The following BRD4 variants were observed in gnomAD, a reference collection of about 807,000 sequenced individuals.
The protein encoded by BRD4 is bromodomain-containing protein 4.
In BRD4, 16 loss-of-function variants were observed where a neutral mutation model predicts 142.1. That is an observed-to-expected ratio of 0.11 (90% CI 0.08 to 0.17). BRD4 has a LOEUF of 0.17. Among genes scored for constraint, BRD4 ranks in the 10% least tolerant of loss-of-function variants. BRD4 has a pLI of 1.00. For missense variants in BRD4, 1,424 were observed against 1,810.9 expected, an observed-to-expected ratio of 0.79 and a Z score of 3.88; for synonymous variants, 833 against 707.5, an observed-to-expected ratio of 1.18 and a Z score of -2.82.
intron 1 of BRD4, among the ~76,000 whole-genome samples, chr19:15,303,553 A>G (rs1182070843): frequency 6.6e-6 from 1 of 152,234 alleles, no homozygotes; most frequent in African/African-American, 2.4e-5. Flanking sequence ...TCTTATCAAA[A>G]GGAGTAACTG....
chr19:15,259,618 TG>T (rs1281018229), intron 7 of BRD4, among the ~76,000 whole-genome samples: 2 of 152,214 alleles, frequency 1.3e-5, no homozygotes, highest in African/African-American at 4.8e-5. Flanking sequence ...GTCTCTTGGA[TG>T]TGAGAACTCT....
In BRD4 at chr19:15,265,384, G is replaced by A. The variant is rs201023956; in HGVS notation, c.819C>T (p.Pro273=). The change falls in exon 5 of 20, where the codon CCC becomes CCT. Residue 273 remains proline, a synonymous_variant. Coordinates refer to ENST00000679869, the MANE Select transcript of BRD4 (RefSeq NM_001379291.1). ...CAGGCTGTGGGGTGGCCGCGATGAT[G>A]GGTGGGTGGCTCTGTACGGGCTGGG... is the stretch of plus-strand genomic sequence containing the variant. The part of the protein sequence containing the change: ...PAPQPVQSHP[P]IIAATPQPVK... 118 of 1,518,426 alleles carry A rather than the reference G, an allele frequency of 7.8e-5. No homozygotes were observed. Among genetic ancestry groups the A allele is most frequent in the Middle Eastern group, 2.5e-4 (1 of 4,062 alleles). 94.1% of individuals were successfully genotyped at this position (1,518,426 alleles called of 1,614,324 possible). A position where few individuals can be genotyped will look rare whatever the true frequency, so the allele number is the denominator to read the frequency against.
rs1265375059 is a variant in BRD4, at chr19:15,273,010, C to T, written c.90G>A (p.Gln30=). 1.2e-6 allele frequency: 2 copies of T among 1,613,970 alleles called. No individual in the cohort carries two copies. The highest frequency in any genetic ancestry group is 1.7e-6 in the Non-Finnish European group (2 of 1,179,996). Residue 30 remains glutamine (Q), a synonymous_variant, in exon 2 of 20, where the codon CAG becomes CAA. Coordinates refer to ENST00000679869, the MANE Select transcript of BRD4 (RefSeq NM_001379291.1). ...GLETSQMSTT[Q]AQAQPQPANA... is the part of the protein sequence containing the mutation. Reference sequence around the variant, plus strand: ...TGGCTGGCTGGGGTTGGGCCTGGGCCTGTGTTGTAGACATTTGGGAAGTTT... The same window carrying T: ...TGGCTGGCTGGGGTTGGGCCTGGGCTTGTGTTGTAGACATTTGGGAAGTTT...
intron 1 of BRD4, among the ~76,000 whole-genome samples, chr19:15,301,012 A>C (rs2047862595): frequency 6.6e-6 from 1 of 152,210 alleles, no homozygotes; most frequent in Admixed American, 6.5e-5. Flanking sequence ...GAATCACCAA[A>C]AACTAGAAAC....
intron 14 of BRD4, among the ~76,000 whole-genome samples, chr19:15,240,803 C>A (rs2047232445): frequency 6.6e-6 from 1 of 152,170 alleles, no homozygotes; most frequent in African/African-American, 2.4e-5. Context: ...TGCTGGAATC[C>A]CTGCAGGCAA....
intron 1 of BRD4, among the ~76,000 whole-genome samples, chr19:15,281,158 G>C (rs989552083): frequency 2.0e-5 from 3 of 152,238 alleles, no homozygotes; most frequent in Non-Finnish European, 4.4e-5. Context: ...CGGGCCAGTG[G>C]CCGTGCGCCG....
At chr19:15,332,224 A>C (rs867577491) in intron 1 of BRD4, 66 bp downstream of exon 1, 1,561 of 145,190 alleles carry the variant, frequency 0.011, 21 homozygotes, top group Non-Finnish European at 0.016. Flanking sequence ...GGTTACGCGG[A>C]CCGCGCCGCG....
intron 1 of BRD4, among the ~76,000 whole-genome samples, chr19:15,281,160 C>T (rs989962346): frequency 5.3e-5 from 8 of 152,244 alleles, no homozygotes; most frequent in African/African-American, 4.8e-5. Flanking sequence ...GGCCAGTGGC[C>T]GTGCGCCGAG....
At chr19:15,272,442 A>G (rs1215403146) in intron 2 of BRD4, among the ~76,000 whole-genome samples, 4 of 152,140 alleles carry the variant, frequency 2.6e-5, no homozygotes, top group African/African-American at 9.7e-5. Flanking sequence ...AACTACGTCT[A>G]CTTATCCTTG....
chr19:15,309,355 A>C (rs1599513977), intron 1 of BRD4, among the ~76,000 whole-genome samples: 1 of 151,932 alleles, frequency 6.6e-6, no homozygotes, highest in East Asian at 1.9e-4. Context: ...AAAAAAAAAA[A>C]ACCAACAAAC....
intron 14 of BRD4, among the ~76,000 whole-genome samples, chr19:15,241,837 G>C (rs2047240427): frequency 7.8e-6 from 1 of 128,076 alleles, no homozygotes; most frequent in Non-Finnish European, 1.6e-5. Context: ...TTTTGAGATA[G>C]AGTCTCCATC....
intron 1 of BRD4, among the ~76,000 whole-genome samples, chr19:15,322,447 C>A (rs923552814): frequency 9.9e-5 from 15 of 152,072 alleles, no homozygotes; most frequent in Admixed American, 1.3e-4. Flanking sequence ...CAGTGGCTCA[C>A]GCCTGTAATC....
intron 1 of BRD4, among the ~76,000 whole-genome samples, chr19:15,322,752 A>G (rs2045171258): frequency 6.7e-6 from 1 of 150,218 alleles, no homozygotes; most frequent in African/African-American, 2.4e-5. Flanking sequence ...CTGTAGTCCC[A>G]GCTACTTGGG....
chr19:15,238,371 G>T lies in BRD4; in HGVS notation c.*6C>A, dbSNP rs1396403725. On this transcript the variant is annotated 3_prime_UTR_variant, in exon 20 of 20. Coordinates refer to ENST00000679869, the MANE Select transcript of BRD4 (RefSeq NM_001379291.1). The surrounding 1 kb of genome is among the most constrained non-coding windows in gnomAD (Gnocchi z 7.2). The stretch of plus-strand genomic sequence containing the variant: ...AAAATCAAAGTCAGAAGCCACCTAG[G>T]TGCGCTCAGAAAAGATTTTCTTCAA... 1 of 1,613,962 alleles carries T rather than the reference G, an allele frequency of 6.2e-7. No homozygotes were observed. The highest frequency in any genetic ancestry group is 1.7e-5 in the Admixed American group (1 of 59,992).
chr19:15,249,435 C>T (rs2145540096), intron 11 of BRD4: 5 of 1,448,038 alleles, frequency 3.5e-6, no homozygotes, highest in Non-Finnish European at 4.7e-6. Context: ...GAGACTGGAG[C>T]CCTGCCCCGT....
chr19:15,303,007 C>CAAA (rs1213995194), intron 1 of BRD4, among the ~76,000 whole-genome samples: 5 of 57,942 alleles, frequency 8.6e-5, no homozygotes, highest in Admixed American at 3.5e-4. Context: ...GACTCCGTCG[C>CAAA]AAAAAAAAAA....
intron 1 of BRD4, among the ~76,000 whole-genome samples, chr19:15,281,260 T>C (rs990037771): frequency 2.0e-5 from 3 of 151,334 alleles, no homozygotes; most frequent in Admixed American, 6.6e-5. Context: ...GGGGCCCCAT[T>C]ACCTCTTGAC....
In BRD4 at chr19:15,332,429, GGCAGCCGCCGCAGCC is replaced by G. The variant is rs923589444; in HGVS notation, c.-189_-175del. 2 of 146,390 alleles carry G rather than the reference GGCAGCCGCCGCAGCC, an allele frequency of 1.4e-5. No homozygotes were observed. The highest frequency in any genetic ancestry group is 3.0e-5 in the Non-Finnish European group (2 of 65,810). 9.1% of individuals were successfully genotyped at this position (146,390 alleles called of 1,614,324 possible). ...GCCGCGCTCGCCCGCGGGCACCGCC[GGCAGCCGCCGCAGCC>G]GCTGCCGCCGCCACTGCTTCGGCTC... On this transcript the variant is annotated 5_prime_UTR_variant, in exon 1 of 20. Coordinates refer to ENST00000679869, the MANE Select transcript of BRD4 (RefSeq NM_001379291.1).
Position 15,255,586 on chromosome 19 carries a change from C to T in BRD4, c.1758G>A (p.Lys586=), listed in dbSNP as rs377359762. 6.2e-7 allele frequency: 1 copy of T among 1,602,548 alleles called. No homozygotes were observed. The highest frequency in any genetic ancestry group is 8.5e-7 in the Non-Finnish European group (1 of 1,171,256). ...GCTTGCTCTTCATGGGCGCTGGCTC[C>T]TTCTTGCTACGAAGGGACGATGCAG... ...NNSSNSNVSK[K]EPAPMKSKPP... Residue 586 remains lysine (K), a synonymous_variant, in exon 10 of 20, where the codon AAG becomes AAA. Transcript: ENST00000679869.
Sources: gnomAD v4.1 joint callset for allele counts (sites outside exome capture counted in the v4.1 genomes callset) on GRCh38, gnomAD v4.1.1 for gene constraint, Gnocchi (gnomAD v3.1) non-coding constraint, MANE v1.5 for transcripts, NCBI Gene and HGNC (gene_info 2026-07-23, HGNC 2026-07-21) for gene names.